CA5B: variants seen among roughly 807,000 people sequenced by gnomAD.
The protein encoded by CA5B is carbonic anhydrase 5B, mitochondrial.
In CA5B, 15 loss-of-function variants were observed where a neutral mutation model predicts 23.1. The ratio of observed to expected loss-of-function variants is 0.65; its 90% CI spans 0.43 to 1.00. The LOEUF (loss-of-function observed/expected upper bound fraction) is 1.00. Among genes scored for constraint, CA5B ranks in the 50% least tolerant of loss-of-function variants. The pLI, the probability that CA5B is intolerant of heterozygous loss-of-function variation, is 0.00. For synonymous variants in CA5B, 84 were observed against 98.5 expected (o/e 0.85, Z 0.87); for missense variants, 236 against 252.2 (o/e 0.94, Z 0.43).
Position 15,752,603 on chromosome X carries a change from C to T in CA5B, c.142+2438C>T, listed in dbSNP as rs755461913. ...AGCCAGGCGTGGTGGTGGGCGCCTG[C>T]AGTCCCAGCTACTAAGGATGCTGAG... On this transcript the variant is annotated intron_variant, in intron 2 of 7. Coordinates refer to ENST00000318636, the MANE Select transcript of CA5B (RefSeq NM_007220.4). Among the ~76,000 whole-genome samples, 73 of 110,835 alleles carry T rather than the reference C, an allele frequency of 6.6e-4. 1 individual carries two copies. Among genetic ancestry groups the T allele is most frequent in the African/African-American group, 1.0e-3 (31 of 30,478 alleles).
At chrX:15,754,082 T>A (rs1015249137) in intron 2 of CA5B, among the ~76,000 whole-genome samples, 6 of 111,988 alleles carry the variant, frequency 5.4e-5, no homozygotes, top group African/African-American at 1.9e-4. Context: ...TGGTCAGTTG[T>A]GCCTAAACTC....
chrX:15,744,460 CT>C lies in CA5B; in HGVS notation c.-53-5508del, dbSNP rs777274094. On this transcript the variant is annotated intron_variant, in intron 1 of 7. Transcript: ENST00000318636. ...TGGCCTTGTCTTATCACAAGCTTCC[CT>C]TTGAAGGCAGAGCCCACACATCCTT... Among the ~76,000 whole-genome samples the C allele has an allele frequency of 3.6e-5, 4 of 112,479 alleles. No individual in the cohort carries two copies. The East Asian group carries it at 1.1e-3, about 32-fold the overall frequency.
chrX:15,760,315 C>A (rs925761932), intron 2 of CA5B, among the ~76,000 whole-genome samples: 4 of 110,761 alleles, frequency 3.6e-5, no homozygotes, highest in Admixed American at 2.9e-4. Context: ...AAACCCTTGG[C>A]AAAAAATTGG....
At chrX:15,754,979 CAG>C (rs927586900) in intron 2 of CA5B, among the ~76,000 whole-genome samples, 1 of 112,207 alleles carries the variant, frequency 8.9e-6, no homozygotes, top group Non-Finnish European at 1.9e-5. Context: ...TTTCTATCAT[CAG>C]AGAGGGTTCT....
chrX:15,753,524 C>T (rs1413932038), intron 2 of CA5B, among the ~76,000 whole-genome samples: 1 of 112,140 alleles, frequency 8.9e-6, no homozygotes, highest in Non-Finnish European at 1.9e-5. Flanking sequence ...AGGAAAAGAC[C>T]TGGAAAGGGA....
At chrX:15,778,538 A>G (rs766671715) in intron 7 of CA5B, among the ~76,000 whole-genome samples, 32 of 111,994 alleles carry the variant, frequency 2.9e-4, no homozygotes, top group Non-Finnish European at 4.1e-4. Context: ...AGCGTTCTCC[A>G]GAGAAACAGA....
chrX:15,755,811 G>T (rs1408916656), intron 2 of CA5B, among the ~76,000 whole-genome samples: 1 of 112,397 alleles, frequency 8.9e-6, no homozygotes, highest in African/African-American at 3.2e-5. Flanking sequence ...TCTATATTTT[G>T]TAATAACCGC....
intron 4 of CA5B, among the ~76,000 whole-genome samples, chrX:15,773,552 A>G (rs746493502): frequency 4.4e-3 from 472 of 108,223 alleles, no homozygotes; most frequent in South Asian, 0.013. Context: ...TGGGACTACA[A>G]GCGCCCACCA....
intron 2 of CA5B, among the ~76,000 whole-genome samples, chrX:15,762,032 C>G (rs753098048): frequency 1.3e-4 from 14 of 111,856 alleles, no homozygotes; most frequent in Middle Eastern, 9.2e-3. Flanking sequence ...CTTTGGGAGG[C>G]TGAGGTGGGT....
At chrX:15,757,852 A>G (rs1283135638) in intron 2 of CA5B, among the ~76,000 whole-genome samples, 1 of 111,576 alleles carries the variant, frequency 9.0e-6, no homozygotes, top group Non-Finnish European at 1.9e-5. Context: ...ATGAGATTAG[A>G]TAAGTGAGAT....
chrX:15,756,918 G>A (rs964134955), intron 2 of CA5B, among the ~76,000 whole-genome samples: 6 of 107,646 alleles, frequency 5.6e-5, no homozygotes, highest in Non-Finnish European at 7.7e-5. Context: ...GCCGGGTGTG[G>A]TGGCGGGCAC....
chrX:15,766,988 G>T, intron 3 of CA5B: 1 of 468,188 alleles, frequency 2.1e-6, no homozygotes, highest in Non-Finnish European at 3.3e-6. Flanking sequence ...AAAACAACAA[G>T]CTAAATTCCT....
chrX:15,780,020 T>G (rs1159136469), intron 7 of CA5B, among the ~76,000 whole-genome samples: 6 of 111,891 alleles, frequency 5.4e-5, no homozygotes, highest in Non-Finnish European at 1.1e-4. Flanking sequence ...TAGAATGTAA[T>G]TTAATATAAA....
Position 15,772,511 on chromosome X carries a change from C to A in CA5B, c.356C>A (p.Pro119His). The change falls in exon 4 of 8, where the codon CCC (proline) becomes CAC (histidine). Residue 119 changes from proline to histidine, a missense_variant. By Grantham distance (77) the Pro-to-His change is moderately conservative (BLOSUM62 -2). This residue lies in a region of CA5B where 170 missense variants were observed against 162.0 expected (regional missense o/e 1.05). Transcript: ENST00000318636. ...GCCATTTTAGTGATCAAGGGAGGAC[C>A]CCTGGAACACAACTACCGATTGAAG... The part of the protein sequence containing the change: ...STDKSVIKGG[P>H]LEHNYRLKQF... The A allele has an allele frequency of 8.3e-7, 1 of 1,200,666 alleles. No homozygotes were observed. Among genetic ancestry groups the A allele is most frequent in the Non-Finnish European group, 1.1e-6 (1 of 886,098 alleles).
chrX:15,745,879 A>G (rs776866763), intron 1 of CA5B, among the ~76,000 whole-genome samples: 1 of 112,076 alleles, frequency 8.9e-6, no homozygotes, highest in East Asian at 2.8e-4. Flanking sequence ...GACTATTTTC[A>G]TAGCTTTTTG....
Position 15,772,276 on chromosome X carries a change from G to A in CA5B, c.341-220G>A, listed in dbSNP as rs1931834831. Reference sequence around the variant, plus strand: ...AGTCAAGAGTTGGCCTTTAACAATTGTTTGTAGCTTGTTATGTAGTTAAAT... The same window carrying A: ...AGTCAAGAGTTGGCCTTTAACAATTATTTGTAGCTTGTTATGTAGTTAAAT... On this transcript the variant is annotated intron_variant, in intron 3 of 7. Coordinates refer to ENST00000318636, the MANE Select transcript of CA5B (RefSeq NM_007220.4). 2.7e-5 allele frequency among the ~76,000 whole-genome samples: 3 copies of A among 112,465 alleles called. No individual in the cohort carries two copies. In the South Asian group the frequency reaches 1.1e-3, roughly 41 times the overall value.
At chrX:15,776,660 C>T (rs765597449) in intron 6 of CA5B, 54 bp from the exon 7 acceptor site, 3 of 1,022,557 alleles carry the variant, frequency 2.9e-6, no homozygotes, top group Non-Finnish European at 4.1e-6. Context: ...GCGTCCAATT[C>T]CTGAGTGGTT....
At position 15,782,800 on chromosome X, in the gene CA5B, A is replaced by T; in HGVS notation, c.*136A>T. On this transcript the variant is annotated 3_prime_UTR_variant, in exon 8 of 8. Coordinates refer to ENST00000318636, the MANE Select transcript of CA5B (RefSeq NM_007220.4). ...GCATTTCTTAGCATGAGAGTGCTTC[A>T]TCAGTCTTTGAGGAAGGCTATTCGG... is the stretch of plus-strand genomic sequence containing the variant. 1 of 475,181 alleles carries T rather than the reference A, an allele frequency of 2.1e-6. No homozygotes were observed. Among genetic ancestry groups the T allele is most frequent in the Non-Finnish European group, 3.4e-6 (1 of 293,184 alleles). 39.2% of individuals were successfully genotyped at this position (475,181 alleles called of 1,213,427 possible).
chrX:15,745,545 A>G (rs976248317), intron 1 of CA5B: 3 of 112,762 alleles, frequency 2.7e-5, no homozygotes, highest in Non-Finnish European at 5.6e-5. Flanking sequence ...TAACAAAAAA[A>G]GAAGTATTTG....
Sources: allele counts gnomAD v4.1 joint callset (sites outside exome capture counted in the v4.1 genomes callset), GRCh38; gene constraint gnomAD v4.1.1; regional missense constraint gnomAD v4.1.1; transcripts MANE v1.5; gene names NCBI Gene and HGNC (gene_info 2026-07-23, HGNC 2026-07-21).